The following MAP3K15 variants were observed in gnomAD, a reference collection of about 807,000 sequenced individuals.
MAP3K15 encodes the protein MAPK/ERK kinase kinase 15.
In MAP3K15, 124 loss-of-function variants were observed where a neutral mutation model predicts 99.5. The ratio of observed to expected loss-of-function variants is 1.25; its 90% confidence interval spans 1.08 to 1.45. The LOEUF (loss-of-function observed/expected upper bound fraction) is 1.45, where lower values mean the gene tolerates loss of function less well. Ranked by LOEUF, MAP3K15 falls within the 40% of genes most tolerant of loss-of-function variation. The pLI, the probability that MAP3K15 is intolerant of heterozygous loss-of-function variation, is 0.00. For synonymous variants in MAP3K15, 494 were observed against 439.6 expected (o/e 1.12, Z -1.55); for missense variants, 1,242 against 1,079.7 (o/e 1.15, Z -2.11).
At chrX:19,462,092 A>G (rs1569233023) in intron 4 of MAP3K15, among the ~76,000 whole-genome samples, 1 of 111,169 alleles carries the variant, frequency 9.0e-6, no homozygotes. Flanking sequence ...CTGTTCATTA[A>G]AAAGAGAGTA....
chrX:19,416,856 T>C (rs1446672789), intron 9 of MAP3K15, among the ~76,000 whole-genome samples: 1 of 112,321 alleles, frequency 8.9e-6, no homozygotes, highest in Non-Finnish European at 1.9e-5. Flanking sequence ...AACTCCCACA[T>C]TGTTCAAGGG....
chrX:19,494,281 T>C (rs2064386520), intron 1 of MAP3K15, among the ~76,000 whole-genome samples: 1 of 110,591 alleles, frequency 9.0e-6, no homozygotes, highest in Non-Finnish European at 1.9e-5. Context: ...GGCAACATAA[T>C]GAGACTCTGT....
intron 3 of MAP3K15, among the ~76,000 whole-genome samples, chrX:19,484,627 G>A (rs1439415879): frequency 1.8e-5 from 2 of 111,736 alleles, no homozygotes; most frequent in African/African-American, 6.5e-5. Flanking sequence ...CGGGACGAGA[G>A]ACTATTTCTG....
chrX:19,493,978 T>C (rs897592466), intron 1 of MAP3K15, among the ~76,000 whole-genome samples: 1 of 110,503 alleles, frequency 9.0e-6, no homozygotes, highest in Non-Finnish European at 1.9e-5. Context: ...AGATCACAGA[T>C]AAAAAGGAAG....
At chrX:19,371,599 G>A in intron 22 of MAP3K15, 69 bp from the exon 23 acceptor site, 2 of 988,903 alleles carry the variant, frequency 2.0e-6, no homozygotes, top group South Asian at 2.3e-5. Flanking sequence ...CACACTGGGG[G>A]AAACAAGATG....
chrX:19,419,206 A>T (rs1042116232), intron 9 of MAP3K15, among the ~76,000 whole-genome samples: 11 of 112,122 alleles, frequency 9.8e-5, no homozygotes, highest in Non-Finnish European at 1.7e-4. Flanking sequence ...CTTAAATATA[A>T]ATGGGCTAAA....
At chrX:19,379,971 A>C (rs1462106390) in intron 19 of MAP3K15, 149 bp downstream of exon 19, 12 of 584,000 alleles carry the variant, frequency 2.1e-5, no homozygotes, top group Non-Finnish European at 3.0e-5. Context: ...CCTGTGATGC[A>C]CCTCGCATTC....
At chrX:19,417,228 A>C (rs768811380) in intron 9 of MAP3K15, among the ~76,000 whole-genome samples, 1 of 112,608 alleles carries the variant, frequency 8.9e-6, no homozygotes, top group African/African-American at 3.2e-5. Flanking sequence ...ACCAAGCGTG[A>C]GCTAAAGCAG....
chrX:19,379,293 T>A (rs896930717), intron 19 of MAP3K15, among the ~76,000 whole-genome samples: 5 of 108,494 alleles, frequency 4.6e-5, no homozygotes, highest in African/African-American at 1.7e-4. Flanking sequence ...GTTTCCTTTT[T>A]CTTTTTTTTT....
intron 6 of MAP3K15, among the ~76,000 whole-genome samples, chrX:19,447,757 G>A (rs2064009782): frequency 2.1e-5 from 2 of 94,647 alleles, no homozygotes; most frequent in African/African-American, 3.7e-5. Context: ...AGTGGCGGGC[G>A]CCTGTAGTCC....
chrX:19,506,578 T>C (rs987038206), intron 1 of MAP3K15, among the ~76,000 whole-genome samples: 1 of 110,747 alleles, frequency 9.0e-6, no homozygotes, highest in African/African-American at 3.3e-5. Flanking sequence ...TGGAGTGCAG[T>C]AGCGCGATCT....
intron 1 of MAP3K15, among the ~76,000 whole-genome samples, chrX:19,507,882 T>G (rs1161879606): frequency 8.9e-6 from 1 of 111,921 alleles, no homozygotes; most frequent in Non-Finnish European, 1.9e-5. Flanking sequence ...TTTGTTTTGT[T>G]TGAGATGGGG....
chrX:19,464,339 T>C lies in MAP3K15; in HGVS notation c.593A>G (p.Glu198Gly). The C allele has an allele frequency of 8.3e-7, 1 of 1,199,063 alleles. No homozygotes were observed. The highest frequency in any genetic ancestry group is 1.1e-6 in the Non-Finnish European group (1 of 894,318). Residue 198 changes from glutamate (E) to glycine (G), a missense_variant, in exon 4 of 29, where the codon GAG becomes GGG. Coordinates refer to ENST00000338883, the MANE Select transcript of MAP3K15 (RefSeq NM_001001671.4). Reference protein sequence around the residue: ...VTPCADYFCCESDAQRRASEY... With the variant: ...VTPCADYFCCGSDAQRRASEY... ...GGAGGCTCGTCTCTGGGCATCACTC[T>C]CGCAGCAAAAATAATCAGCGCACGG... is the stretch of plus-strand genomic sequence containing the variant.
intron 9 of MAP3K15, among the ~76,000 whole-genome samples, chrX:19,417,216 G>A (rs1004986703): frequency 4.4e-4 from 50 of 112,438 alleles, no homozygotes; most frequent in Non-Finnish European, 6.6e-4. Flanking sequence ...GGGGTGCAGC[G>A]CACCAAGCGT....
At chrX:19,440,781 G>C (rs1425824890) in intron 6 of MAP3K15, among the ~76,000 whole-genome samples, 1 of 112,557 alleles carries the variant, frequency 8.9e-6, no homozygotes, top group Non-Finnish European at 1.9e-5. Context: ...GATAGATCCA[G>C]TTAAACTCTA....
intron 11 of MAP3K15, among the ~76,000 whole-genome samples, chrX:19,411,644 C>T (rs2063689012): frequency 9.2e-6 from 1 of 108,425 alleles, no homozygotes; most frequent in African/African-American, 3.4e-5. Flanking sequence ...TCAGGGTAGG[C>T]GTCGCTGATG....
intron 3 of MAP3K15, among the ~76,000 whole-genome samples, chrX:19,475,133 C>G (rs1286481135): frequency 9.0e-6 from 1 of 110,732 alleles, no homozygotes; most frequent in Admixed American, 9.6e-5. Flanking sequence ...AACAGGACCC[C>G]TGAGATTGTT....
chrX:19,439,435 AC>A (rs745880327), intron 6 of MAP3K15, among the ~76,000 whole-genome samples: 66 of 110,784 alleles, frequency 6.0e-4, no homozygotes, highest in Non-Finnish European at 1.0e-3. Context: ...ATTTGGCCAA[AC>A]TCATCAAATC....
chrX:19,464,352 A>T lies in MAP3K15; in HGVS notation c.580T>A (p.Tyr194Asn). The T allele has an allele frequency of 2.5e-6, 3 of 1,199,288 alleles. No homozygotes were observed. The highest frequency in any genetic ancestry group is 3.4e-6 in the Non-Finnish European group (3 of 894,470). The change falls in exon 4 of 29, where the codon TAT becomes AAT. Residue 194 changes from tyrosine to asparagine, a missense_variant. By Grantham distance (143) the Tyr-to-Asn change is moderately radical. Coordinates refer to ENST00000338883, the MANE Select transcript of MAP3K15 (RefSeq NM_001001671.4). ...IPYIVTPCAD[Y>N]FCCESDAQRR... ...TGGGCATCACTCTCGCAGCAAAAAT[A>T]ATCAGCGCACGGTGTCACGATGTAT...
Sources: gnomAD v4.1 joint callset for allele counts (sites outside exome capture counted in the v4.1 genomes callset) on GRCh38, gnomAD v4.1.1 for gene constraint, MANE v1.5 for transcripts, NCBI Gene and HGNC (gene_info 2026-07-23, HGNC 2026-07-21) for gene names.